SNX7: variants seen among roughly 807,000 people sequenced by gnomAD.
SNX7 encodes sorting nexin-7.
In SNX7, 35 loss-of-function variants were observed where a neutral mutation model predicts 48.4. The observed-to-expected ratio is 0.72, with a 90% CI of 0.55 to 0.96. The LOEUF (loss-of-function observed/expected upper bound fraction) is 0.96, where lower values mean the gene tolerates loss of function less well. SNX7 is among the 40% of genes least tolerant of loss of function. SNX7 has a pLI of 0.00. For missense variants in SNX7, 553 were observed against 548.9 expected (o/e 1.01, Z -0.07); for synonymous variants, 190 against 190.2 (o/e 1.00, Z 0.01).
chr1:98,666,843 A>G (rs1302309978), intron 1 of SNX7, among the ~76,000 whole-genome samples: 2 of 152,192 alleles, frequency 1.3e-5, no homozygotes, highest in Non-Finnish European at 2.9e-5. Flanking sequence ...AGCACCATGT[A>G]AGAAATGCAA....
At chr1:98,697,897 G>A (rs1379832895) in intron 5 of SNX7, among the ~76,000 whole-genome samples, 14 of 152,106 alleles carry the variant, frequency 9.2e-5, no homozygotes, top group South Asian at 2.1e-4. Flanking sequence ...TAGAAATGGA[G>A]GACAAGGCAG....
intron 1 of SNX7, among the ~76,000 whole-genome samples, chr1:98,666,010 C>T (rs185940702): frequency 9.9e-5 from 15 of 151,948 alleles, no homozygotes; most frequent in South Asian, 4.2e-4. Flanking sequence ...AGTGATGGAG[C>T]GGCATAATTA....
chr1:98,698,838 T>C lies in SNX7; in HGVS notation c.971T>C (p.Met324Thr), dbSNP rs1215234691. The C allele has an allele frequency of 6.2e-7, 1 of 1,613,912 alleles. No individual in the cohort carries two copies. Among genetic ancestry groups the C allele is most frequent in the Non-Finnish European group, 8.5e-7 (1 of 1,179,822 alleles). Residue 324 changes from methionine to threonine, a missense_variant, in exon 6 of 9, where the codon ATG (methionine) becomes ACG (threonine). Met to Thr is a moderately conservative substitution (Grantham distance 81). Transcript: ENST00000306121. ...DRCCKATEKR[M>T]SGLSEALLPV... ...TGCTGTAAGGCCACTGAAAAGCGGA[T>C]GTCTGGACTCTCAGAGGCCCTGCTT...
intron 7 of SNX7, among the ~76,000 whole-genome samples, chr1:98,728,698 A>G (rs1026282470): frequency 2.0e-5 from 3 of 152,324 alleles, no homozygotes; most frequent in African/African-American, 4.8e-5. Flanking sequence ...AAAAAAGACA[A>G]GGGTATTACA....
intron 1 of SNX7, among the ~76,000 whole-genome samples, chr1:98,683,195 CTT>C (rs943705224): frequency 5.3e-5 from 8 of 152,104 alleles, no homozygotes; most frequent in African/African-American, 1.7e-4. Flanking sequence ...TTGTTTGTGA[CTT>C]TATTTCACGT....
At chr1:98,729,828 G>A (rs538817610) in intron 7 of SNX7, among the ~76,000 whole-genome samples, 2 of 151,988 alleles carry the variant, frequency 1.3e-5, no homozygotes, top group Non-Finnish European at 2.9e-5. Flanking sequence ...TCTACAAGGG[G>A]AACAAAGAGA....
intron 1 of SNX7, among the ~76,000 whole-genome samples, chr1:98,670,746 C>T (rs754211285): frequency 1.3e-5 from 2 of 151,916 alleles, no homozygotes; most frequent in Admixed American, 1.3e-4. Flanking sequence ...AGAACCTGTC[C>T]CCATCATTAA....
chr1:98,689,630 C>T (rs1406733581), intron 2 of SNX7, among the ~76,000 whole-genome samples: 3 of 151,892 alleles, frequency 2.0e-5, no homozygotes, highest in Non-Finnish European at 2.9e-5. Context: ...CTTCATTGTT[C>T]GTTATGGCAA....
chr1:98,662,008 C>A, intron 1 of SNX7, 97 bp downstream of exon 1: 1 of 1,188,414 alleles, frequency 8.4e-7, no homozygotes, highest in Non-Finnish European at 1.1e-6. Flanking sequence ...CTTGCCCTCC[C>A]GGGGCGGTGG....
In SNX7 at chr1:98,760,204, C is replaced by T. The variant is rs545283605; in HGVS notation, c.*73C>T. ...CCAAAGTTATTCTTTCTGGATCTGC[C>T]GTGTCCTTATAAAGTGGATGAAAAA... On this transcript the variant is annotated 3_prime_UTR_variant, in exon 9 of 9. Transcript: ENST00000306121. 19 of 1,199,224 alleles carry T rather than the reference C, an allele frequency of 1.6e-5. No individual in the cohort carries two copies. Among genetic ancestry groups the T allele is most frequent in the South Asian group, 7.4e-5 (6 of 81,182 alleles). 74.3% of individuals were successfully genotyped at this position (1,199,224 alleles called of 1,614,324 possible). A position where few individuals can be genotyped will look rare whatever the true frequency, so the allele number is the denominator to read the frequency against.
intron 2 of SNX7, among the ~76,000 whole-genome samples, chr1:98,690,731 C>G (rs1408072654): frequency 6.6e-6 from 1 of 152,016 alleles, no homozygotes; most frequent in African/African-American, 2.4e-5. Flanking sequence ...AACCTAAATT[C>G]AGAACACACT....
At chr1:98,754,193 C>G (rs1039481835) in intron 8 of SNX7, among the ~76,000 whole-genome samples, 1 of 151,926 alleles carries the variant, frequency 6.6e-6, no homozygotes, top group Non-Finnish European at 1.5e-5. Context: ...TTAATCCAGT[C>G]TTGCCTTCGT....
chr1:98,684,934 C>T lies in SNX7; in HGVS notation c.230C>T (p.Ser77Phe). 1 of 1,593,278 alleles carries T rather than the reference C, an allele frequency of 6.3e-7. No homozygotes were observed. Among genetic ancestry groups the T allele is most frequent in the Non-Finnish European group, 8.6e-7 (1 of 1,168,314 alleles). The stretch of plus-strand genomic sequence containing the variant: ...TCCTTCAGCCCTATGATGCCAACAT[C>T]CCCTTTATCAATGATAAACCAAATC... Reference protein sequence around the residue: ...MNSFSPMMPTSPLSMINQIKF... With the variant: ...MNSFSPMMPTFPLSMINQIKF... The change falls in exon 2 of 9, where the codon TCC (serine) becomes TTC (phenylalanine). Residue 77 changes from serine to phenylalanine, a missense_variant. Ser to Phe is a radical substitution (Grantham distance 155). Transcript: ENST00000306121.
chr1:98,717,376 T>G (rs987013519), intron 7 of SNX7, among the ~76,000 whole-genome samples: 1 of 152,304 alleles, frequency 6.6e-6, no homozygotes, highest in Admixed American at 6.5e-5. Context: ...TAGAATTACT[T>G]GAACAACATT....
intron 7 of SNX7, among the ~76,000 whole-genome samples, chr1:98,729,583 T>C (rs534188371): frequency 1.1e-3 from 171 of 151,520 alleles, no homozygotes; most frequent in African/African-American, 3.9e-3. Context: ...GGGGATATCA[T>C]CACTGACCCC....
At chr1:98,748,257 A>G (rs1654403263) in intron 8 of SNX7, among the ~76,000 whole-genome samples, 1 of 152,050 alleles carries the variant, frequency 6.6e-6, no homozygotes, top group Admixed American at 6.6e-5. Flanking sequence ...GAGTGCTGGT[A>G]TTATAGGTGT....
chr1:98,707,842 C>T (rs1040504117), intron 7 of SNX7, among the ~76,000 whole-genome samples: 12 of 152,212 alleles, frequency 7.9e-5, no homozygotes, highest in African/African-American at 2.6e-4. Context: ...GAAACAGATA[C>T]CAGATTATTC....
At chr1:98,670,495 G>A (rs1168089552) in intron 1 of SNX7, among the ~76,000 whole-genome samples, 2 of 152,192 alleles carry the variant, frequency 1.3e-5, no homozygotes, top group Non-Finnish European at 2.9e-5. Context: ...GCTGTGTAAG[G>A]AACGTTTTGG....
intron 8 of SNX7, among the ~76,000 whole-genome samples, chr1:98,745,045 A>G (rs1223030227): frequency 1.3e-5 from 2 of 152,082 alleles, no homozygotes; most frequent in African/African-American, 4.8e-5. Flanking sequence ...GATACACACC[A>G]TGCACAGTCA....
Sources: gnomAD v4.1 joint callset for allele counts (sites outside exome capture counted in the v4.1 genomes callset) on GRCh38, gnomAD v4.1.1 for gene constraint, MANE v1.5 for transcripts, NCBI Gene and HGNC (gene_info 2026-07-23, HGNC 2026-07-21) for gene names.